The following COG6 variants were observed in gnomAD, a reference collection of about 807,000 sequenced individuals.
The protein encoded by COG6 is component of oligomeric golgi complex 6, also known as conserved oligomeric Golgi complex subunit 6.
In COG6, 74 loss-of-function variants were observed where a neutral mutation model predicts 88.8. The observed-to-expected ratio is 0.83, with a 90% CI of 0.69 to 1.01. The LOEUF (loss-of-function observed/expected upper bound fraction) is 1.01. Among genes scored for constraint, COG6 ranks in the 50% least tolerant of loss-of-function variants. The pLI, the probability that COG6 is intolerant of heterozygous loss-of-function variation, is 0.00. For synonymous variants in COG6, 286 were observed against 278.7 expected, an observed-to-expected ratio of 1.03 and a Z score of -0.26; for missense variants, 800 against 797.9, an observed-to-expected ratio of 1.00 and a Z score of -0.03.
intron 8 of COG6, chr13:39,682,590 A>G (rs17529739): frequency 0.066 from 17,718 of 268,206 alleles, 774 homozygotes; most frequent in Non-Finnish European, 0.092. Context: ...CTGTATGAAT[A>G]CTTCCCTACA....
downstream of COG6, among the ~76,000 whole-genome samples, chr13:39,755,691 T>C (rs1234677025): frequency 7.8e-6 from 1 of 127,442 alleles, no homozygotes; most frequent in African/African-American, 2.8e-5. Context: ...CTTGAGGATC[T>C]GAGCAAGCAG....
intron 1 of COG6, among the ~76,000 whole-genome samples, chr13:39,657,461 A>G (rs1379026132): frequency 6.6e-6 from 1 of 151,874 alleles, no homozygotes; most frequent in East Asian, 1.9e-4. Flanking sequence ...AACATTACTG[A>G]TTACTTCTTT....
chr13:39,684,815 C>T (rs556415263), intron 8 of COG6, among the ~76,000 whole-genome samples: 2 of 152,182 alleles, frequency 1.3e-5, no homozygotes, highest in East Asian at 3.9e-4. Context: ...GTATTATATA[C>T]AAGAAAAATG....
chr13:39,682,210 C>G lies in COG6; in HGVS notation c.734C>G (p.Ser245Cys). 1 of 1,612,638 alleles carries G rather than the reference C, an allele frequency of 6.2e-7. No individual in the cohort carries two copies. The highest frequency in any genetic ancestry group is 8.5e-7 in the Non-Finnish European group (1 of 1,178,786). ...TTGACACAAGAATCATGTGACGTATCTCCAGTATTGACACAGGCAATGGAA... is the reference window on the plus strand; with the variant it reads ...TTGACACAAGAATCATGTGACGTATGTCCAGTATTGACACAGGCAATGGAA... Reference protein sequence around the residue: ...RTLTQESCDVSPVLTQAMEAL... With the variant: ...RTLTQESCDVCPVLTQAMEAL... Residue 245 changes from serine to cysteine, a missense_variant, in exon 8 of 19, where the codon TCT becomes TGT. By Grantham distance (112) the Ser-to-Cys change is moderately radical. Transcript: ENST00000455146.
At chr13:39,680,161 A>T (rs1329717673) in intron 7 of COG6, 116 bp downstream of exon 7, 2 of 650,700 alleles carry the variant, frequency 3.1e-6, no homozygotes, top group Non-Finnish European at 5.4e-6. Context: ...TTTTTTAAAA[A>T]TAAAAATAGT....
chr13:39,679,659 A>C (rs776358221), intron 6 of COG6, 39 bp downstream of exon 6: 1 of 1,217,328 alleles, frequency 8.2e-7, no homozygotes, highest in Non-Finnish European at 1.2e-6. Flanking sequence ...ATTGCTGCTT[A>C]TGTTTCCAAA....
intron 4 of COG6, among the ~76,000 whole-genome samples, chr13:39,672,333 T>C (rs926225114): frequency 6.6e-6 from 1 of 151,994 alleles, no homozygotes; most frequent in Non-Finnish European, 1.5e-5. Flanking sequence ...AGTTTATTGG[T>C]TTTAGTATAT....
chr13:39,780,952 G>A (rs1484285318), intron 18 of COG6, among the ~76,000 whole-genome samples: 1 of 152,148 alleles, frequency 6.6e-6, no homozygotes, highest in Non-Finnish European at 1.5e-5. Context: ...GACATTGGAT[G>A]AACTGTTGCT....
At chr13:39,658,804 C>G (rs1358183498) in intron 1 of COG6, among the ~76,000 whole-genome samples, 1 of 152,164 alleles carries the variant, frequency 6.6e-6, no homozygotes, top group Non-Finnish European at 1.5e-5. Flanking sequence ...CTTTAAGTTT[C>G]TCCAAGTTCT....
chr13:39,665,708 A>G (rs926204232), intron 4 of COG6, among the ~76,000 whole-genome samples: 2 of 152,222 alleles, frequency 1.3e-5, no homozygotes, highest in South Asian at 2.1e-4. Context: ...TGCATCTCTC[A>G]TGTGTGGAGT....
intron 1 of COG6, chr13:39,656,409 A>T (rs182069063): frequency 3.0e-6 from 1 of 337,052 alleles, no homozygotes; most frequent in Non-Finnish European, 5.8e-6. Flanking sequence ...AAATGAACTC[A>T]TATCTACTAG....
intron 3 of COG6, 117 bp from the exon 4 acceptor site, chr13:39,664,979 A>G (rs1023182130): frequency 6.1e-6 from 4 of 657,850 alleles, no homozygotes; most frequent in Middle Eastern, 4.1e-4. Flanking sequence ...TGTGCTTTTG[A>G]GTTCCATAGA....
At chr13:39,711,443 C>T (rs996189889) in intron 13 of COG6, among the ~76,000 whole-genome samples, 2 of 152,132 alleles carry the variant, frequency 1.3e-5, no homozygotes, top group Admixed American at 6.6e-5. Flanking sequence ...ATTAACACTT[C>T]GGTGTAGTGG....
At chr13:39,776,708 G>C (rs1881474624) in intron 18 of COG6, among the ~76,000 whole-genome samples, 1 of 152,170 alleles carries the variant, frequency 6.6e-6, no homozygotes, top group Admixed American at 6.5e-5. Context: ...CTTTCAAGCG[G>C]TTTGTCTGGT....
At chr13:39,788,227 G>A (rs1881833793) in intron 18 of COG6, 1 of 1,139,156 alleles carries the variant, frequency 8.8e-7, no homozygotes, top group Non-Finnish European at 1.3e-6. Flanking sequence ...GGTCCTGGAT[G>A]AATATTTATT....
At chr13:39,655,997 A>C in intron 1 of COG6, 118 bp downstream of exon 1, 1 of 1,282,938 alleles carries the variant, frequency 7.8e-7, no homozygotes, top group Non-Finnish European at 1.1e-6. Context: ...AGGGACCGCG[A>C]GTGACCCCAG....
At position 39,752,077 on chromosome 13, in the gene COG6, A is replaced by G. The variant is rs1186835374; in HGVS notation, c.*984A>G. The stretch of plus-strand genomic sequence containing the variant: ...CTCTGACTTTAGACCATTACCTATT[A>G]GGAAGATTAAAAATGACTGTATTTT... On this transcript the variant is annotated 3_prime_UTR_variant, in exon 19 of 19. Transcript: ENST00000455146. 1 of 1,285,774 alleles carries G rather than the reference A, an allele frequency of 7.8e-7. No homozygotes were observed. The highest frequency in any genetic ancestry group is 1.2e-5 in the South Asian group (1 of 80,778). 79.6% of individuals were successfully genotyped at this position (1,285,774 alleles called of 1,614,324 possible). A position where few individuals can be genotyped will look rare whatever the true frequency, so the allele number is the denominator to read the frequency against.
At chr13:39,679,168 G>T (rs1876156047) in intron 5 of COG6, among the ~76,000 whole-genome samples, 1 of 152,042 alleles carries the variant, frequency 6.6e-6, no homozygotes, top group African/African-American at 2.4e-5. Flanking sequence ...AGAATGCCAG[G>T]CTTAAGTAAT....
intron 18 of COG6, among the ~76,000 whole-genome samples, chr13:39,744,581 A>G (rs1880232326): frequency 6.6e-6 from 1 of 152,208 alleles, no homozygotes; most frequent in African/African-American, 2.4e-5. Context: ...GAGAACTACA[A>G]ACCACTGCTC....
Sources: gnomAD v4.1 joint callset for allele counts (sites outside exome capture counted in the v4.1 genomes callset) on GRCh38, gnomAD v4.1.1 for gene constraint, MANE v1.5 for transcripts, NCBI Gene and HGNC (gene_info 2026-07-23, HGNC 2026-07-21) for gene names.